OGFRL1: variants seen among roughly 807,000 people sequenced by gnomAD.
OGFRL1 encodes the protein opioid growth factor receptor like 1, also known as opioid growth factor receptor-like protein 1.
In OGFRL1, 26 loss-of-function variants were observed where a neutral mutation model predicts 32.4. The ratio of observed to expected loss-of-function variants is 0.80; its 90% CI spans 0.59 to 1.11. The LOEUF is 1.11. Among genes scored for constraint, OGFRL1 ranks in the 50% most tolerant of loss-of-function variants. The probability of loss-of-function intolerance (pLI) is 0.00; values close to 1 mark genes in which losing one functional copy is unlikely to be tolerated. For missense variants in OGFRL1, 521 were observed against 546.4 expected (o/e 0.95, Z 0.46); for synonymous variants, 211 against 201.2 (o/e 1.05, Z -0.41).
chr6:71,295,640 G>A (rs919737487), intron 3 of OGFRL1: 2 of 152,156 alleles, frequency 1.3e-5, no homozygotes, highest in Non-Finnish European at 2.9e-5. Context: ...CATAACACTG[G>A]CAGCATTCTG....
chr6:71,296,479 T>C lies in OGFRL1; in HGVS notation c.480-16T>C. 1 of 1,598,174 alleles carries C rather than the reference T, an allele frequency of 6.3e-7. No individual in the cohort carries two copies. Among genetic ancestry groups the C allele is most frequent in the Non-Finnish European group, 8.5e-7 (1 of 1,171,918 alleles). ...ACAACGTTAATAGAAAAATTTTATTTTTTTAAAATAAATAGGCTTTTCCCC... is the reference window on the plus strand; with the variant it reads ...ACAACGTTAATAGAAAAATTTTATTCTTTTAAAATAAATAGGCTTTTCCCC... On this transcript the variant is annotated splice_polypyrimidine_tract_variant and intron_variant, in intron 4 of 6. Transcript: ENST00000370435.
rs1765948149 is a variant in OGFRL1, at chr6:71,289,007, A to T, written c.71A>T (p.Gln24Leu). ...TTVEDCDSTW[Q>L]TDSEPEPEEP... is the part of the protein sequence containing the mutation. The stretch of plus-strand genomic sequence containing the variant: ...GTGGAGGACTGCGACTCCACCTGGC[A>T]GACCGACTCGGAGCCCGAGCCCGAA... Residue 24 changes from glutamine to leucine, a missense_variant, in exon 1 of 7, where the codon CAG (glutamine) becomes CTG (leucine). Transcript: ENST00000370435. 1.4e-6 allele frequency: 2 copies of T among 1,382,322 alleles called. No individual in the cohort carries two copies. The highest frequency in any genetic ancestry group is 9.5e-7 in the Non-Finnish European group (1 of 1,051,652). 85.6% of individuals were successfully genotyped at this position (1,382,322 alleles called of 1,614,324 possible). A position where few individuals can be genotyped will look rare whatever the true frequency, so the allele number is the denominator to read the frequency against.
At position 71,304,942 on chromosome 6, in the gene OGFRL1, GT is replaced by G. The variant is rs1305613957; in HGVS notation, c.*2899del. The stretch of plus-strand genomic sequence containing the variant: ...TTTTCTATTAATGCTTTGTATATTA[GT>G]TTTTTAAATAAGATCTATAGATATG... On this transcript the variant is annotated 3_prime_UTR_variant, in exon 7 of 7. Transcript: ENST00000370435. 1 of 151,844 alleles carries G rather than the reference GT, an allele frequency of 6.6e-6. No individual in the cohort carries two copies. The highest frequency in any genetic ancestry group is 1.5e-5 in the Non-Finnish European group (1 of 67,856). The allele number at this position is 151,844 out of a possible 1,614,324, so 9.4% of individuals were successfully genotyped here.
chr6:71,301,093 G>A (rs905219050), intron 6 of OGFRL1, among the ~76,000 whole-genome samples: 2 of 152,170 alleles, frequency 1.3e-5, no homozygotes, highest in African/African-American at 4.8e-5. Flanking sequence ...GCAACAATTT[G>A]ACAGTGGTAA....
chr6:71,301,774 A>C lies in OGFRL1; in HGVS notation c.1081A>C (p.Lys361Gln). The C allele has an allele frequency of 6.2e-7, 1 of 1,614,014 alleles. No individual in the cohort carries two copies. The highest frequency in any genetic ancestry group is 8.5e-7 in the Non-Finnish European group (1 of 1,180,006). ...NSSSAVHLNS[K>Q]TAEDKKVAPK... ...CTCCTCAGCTGTTCATTTAAATAGC[A>C]AAACAGCTGAAGACAAAAAAGTGGC... The change falls in exon 7 of 7, where the codon AAA becomes CAA. Residue 361 changes from lysine (K) to glutamine (Q), a missense_variant. Lys to Gln is a moderately conservative substitution (Grantham distance 53). Coordinates refer to ENST00000370435, the MANE Select transcript of OGFRL1 (RefSeq NM_024576.5).
chr6:71,301,254 C>A, intron 6 of OGFRL1, 132 bp from the exon 7 acceptor site: 1 of 732,932 alleles, frequency 1.4e-6, no homozygotes, highest in Non-Finnish European at 2.3e-6. Flanking sequence ...TCAAATATGG[C>A]ATTAGGAAGT....
chr6:71,302,170 A>C lies in OGFRL1; in HGVS notation c.*121A>C, dbSNP rs1049905788. The C allele has an allele frequency of 1.2e-6, 1 of 825,956 alleles. No homozygotes were observed. The highest frequency in any genetic ancestry group is 1.8e-6 in the Non-Finnish European group (1 of 571,314). 51.2% of individuals were successfully genotyped at this position (825,956 alleles called of 1,614,324 possible). On this transcript the variant is annotated 3_prime_UTR_variant, in exon 7 of 7. Transcript: ENST00000370435. ...TAGCCATCTGTTTGTGATTTCTGTC[A>C]TAAGCATTTTGTTGTTTGTTTTTTT...
rs1766221986 is a variant in OGFRL1, at chr6:71,296,708, C to T, written c.583C>T (p.Leu195Phe). ...KKTKEAIRRFLLAYKMMLEFF... is the reference protein window; with the variant it reads ...KKTKEAIRRFFLAYKMMLEFF... ...AACAAAAGAAGCAATTAGAAGATTCCTCCTGGCTTATAAAATGATGCTAGA... is the reference window on the plus strand; with the variant it reads ...AACAAAAGAAGCAATTAGAAGATTCTTCCTGGCTTATAAAATGATGCTAGA... The change falls in exon 6 of 7, where the codon CTC (leucine) becomes TTC (phenylalanine). Residue 195 changes from leucine (L) to phenylalanine (F), a missense_variant. Coordinates refer to ENST00000370435, the MANE Select transcript of OGFRL1 (RefSeq NM_024576.5). The T allele has an allele frequency of 6.8e-6, 11 of 1,613,348 alleles. No individual in the cohort carries two copies. Among genetic ancestry groups the T allele is most frequent in the African/African-American group, 1.3e-5 (1 of 74,938 alleles).
At chr6:71,300,030 C>G (rs764668961) in intron 6 of OGFRL1, among the ~76,000 whole-genome samples, 5 of 152,176 alleles carry the variant, frequency 3.3e-5, no homozygotes, top group Non-Finnish European at 7.4e-5. Flanking sequence ...TCTGCCATCC[C>G]TTAATTCATC....
intron 6 of OGFRL1, among the ~76,000 whole-genome samples, chr6:71,298,620 A>G (rs1766287843): frequency 6.6e-6 from 1 of 152,152 alleles, no homozygotes; most frequent in Non-Finnish European, 1.5e-5. Context: ...AGGGAGCCTG[A>G]ACTAAGTCAC....
chr6:71,293,583 T>A lies in OGFRL1; in HGVS notation c.372T>A (p.Tyr124Ter). 3 of 1,612,668 alleles carry A rather than the reference T, an allele frequency of 1.9e-6. No homozygotes were observed. Among genetic ancestry groups the A allele is most frequent in the Non-Finnish European group, 2.5e-6 (3 of 1,179,000 alleles). Residue 124 changes from tyrosine to a stop codon, truncating the protein, a stop_gained, in exon 3 of 7, where the codon TAT becomes TAA. Coordinates refer to ENST00000370435, the MANE Select transcript of OGFRL1 (RefSeq NM_024576.5). LOFTEE classifies it high-confidence loss of function. ...YQNDLSNLRF[Y>*]KNKIPFKPDG... ...ATGACTTGAGCAATCTTCGTTTTTA[T>A]AAGAATAAAATTCCATTCAAGCCAG...
intron 3 of OGFRL1, chr6:71,295,044 T>A (rs1019891547): frequency 2.0e-5 from 3 of 152,174 alleles, no homozygotes; most frequent in Admixed American, 6.5e-5. Context: ...TTGGTGGGGG[T>A]CAGAAGTTTT....
chr6:71,289,326 C>G (rs1264750162), intron 1 of OGFRL1, 156 bp downstream of exon 1: 20 of 983,996 alleles, frequency 2.0e-5, no homozygotes, highest in East Asian at 1.1e-4. Flanking sequence ...ACCTGTCTCC[C>G]GGTGGAGCCC....
At position 71,304,505 on chromosome 6, in the gene OGFRL1, A is replaced by G. The variant is rs1056063546; in HGVS notation, c.*2456A>G. The stretch of plus-strand genomic sequence containing the variant: ...ATATACATGATAAAGTATTCAGACA[A>G]CTTTCTAAATGCATAATAGTAAAAG... On this transcript the variant is annotated 3_prime_UTR_variant, in exon 7 of 7. Transcript: ENST00000370435. 2.0e-5 allele frequency: 3 copies of G among 152,138 alleles called. No homozygotes were observed. Among genetic ancestry groups the G allele is most frequent in the Non-Finnish European group, 4.4e-5 (3 of 67,968 alleles). 9.4% of individuals were successfully genotyped at this position (152,138 alleles called of 1,614,324 possible).
chr6:71,288,914 C>T lies in OGFRL1; in HGVS notation c.-23C>T, dbSNP rs779169545. The T allele has an allele frequency of 7.6e-7, 1 of 1,310,294 alleles. No homozygotes were observed. Among genetic ancestry groups the T allele is most frequent in the Admixed American group, 2.6e-5 (1 of 38,814 alleles). The allele number at this position is 1,310,294 out of a possible 1,614,324, so 81.2% of individuals were successfully genotyped here. A position where few individuals can be genotyped will look rare whatever the true frequency, so the allele number is the denominator to read the frequency against. ...GCTTGCGCCCCGCAGCCCCGCAGCC[C>T]CGCGCCCGCCGCCGCCTCTTCAATG... is the stretch of plus-strand genomic sequence containing the variant. On this transcript the variant is annotated 5_prime_UTR_variant, in exon 1 of 7. Transcript: ENST00000370435.
chr6:71,302,154 G>A lies in OGFRL1; in HGVS notation c.*105G>A. Reference sequence around the variant, plus strand: ...GGTCAATTTCAAATTTTAGCCATCTGTTTGTGATTTCTGTCATAAGCATTT... The same window carrying A: ...GGTCAATTTCAAATTTTAGCCATCTATTTGTGATTTCTGTCATAAGCATTT... On this transcript the variant is annotated 3_prime_UTR_variant, in exon 7 of 7. Coordinates refer to ENST00000370435, the MANE Select transcript of OGFRL1 (RefSeq NM_024576.5). 2.0e-6 allele frequency: 2 copies of A among 1,001,698 alleles called. No individual in the cohort carries two copies. The highest frequency in any genetic ancestry group is 2.8e-6 in the Non-Finnish European group (2 of 722,594). 62.1% of individuals were successfully genotyped at this position (1,001,698 alleles called of 1,614,324 possible).
At chr6:71,290,872 C>T (rs533298830) in intron 1 of OGFRL1, among the ~76,000 whole-genome samples, 1 of 152,288 alleles carries the variant, frequency 6.6e-6, no homozygotes, top group East Asian at 1.9e-4. Context: ...CAACGATTCT[C>T]TTGAGTTTGA....
chr6:71,291,428 T>C (rs993406640), intron 1 of OGFRL1: 3 of 152,168 alleles, frequency 2.0e-5, no homozygotes, highest in Admixed American at 6.5e-5. Flanking sequence ...GGAGTAGATA[T>C]ATGGATCTGT....
chr6:71,289,935 C>G, intron 1 of OGFRL1: 15 of 473,026 alleles, frequency 3.2e-5, no homozygotes, highest in Non-Finnish European at 4.1e-5. Flanking sequence ...TCAGGTTTGC[C>G]GCTCCACATT....
Sources: allele counts gnomAD v4.1 joint callset (sites outside exome capture counted in the v4.1 genomes callset), GRCh38; gene constraint gnomAD v4.1.1; transcripts MANE v1.5; gene names NCBI Gene and HGNC (gene_info 2026-07-23, HGNC 2026-07-21).